ZNF121: variants seen among roughly 807,000 people sequenced by gnomAD.
ZNF121 encodes zinc finger protein 121, also known as zinc finger protein 121 (clone ZHC32).
A neutral mutation model predicts 2.4 loss-of-function variants in ZNF121; 1 was observed. That is an observed-to-expected ratio of 0.41 (90% CI 0.15 to 1.94). The LOEUF is 1.94. Ranked by LOEUF, ZNF121 falls within the 30% of genes most tolerant of loss-of-function variation. ZNF121 has a pLI of 0.30. For synonymous variants in ZNF121, 173 were observed against 158.6 expected, an observed-to-expected ratio of 1.09 and a Z score of -0.68; for missense variants, 369 against 466.3, an observed-to-expected ratio of 0.79 and a Z score of 1.92.
chr19:9,570,199 C>G (rs915352760), intron 1 of ZNF121, among the ~76,000 whole-genome samples: 3 of 152,028 alleles, frequency 2.0e-5, no homozygotes, highest in African/African-American at 7.2e-5. Context: ...GAGCAAGATT[C>G]CATCCAAAAA....
intron 1 of ZNF121, among the ~76,000 whole-genome samples, chr19:9,573,085 A>G (rs1209853972): frequency 6.6e-6 from 1 of 152,194 alleles, no homozygotes; most frequent in Non-Finnish European, 1.5e-5. Context: ...AGACTGTAAT[A>G]AATAACTAAT....
intron 1 of ZNF121, 71 bp from the exon 2 acceptor site, chr19:9,569,153 AC>A (rs2074155659): frequency 6.5e-6 from 1 of 152,680 alleles, no homozygotes; most frequent in Non-Finnish European, 1.5e-5. Flanking sequence ...CAAGAAAAAA[AC>A]AACTATATTC....
intron 1 of ZNF121, among the ~76,000 whole-genome samples, chr19:9,582,301 C>T (rs754475623): frequency 4.6e-5 from 7 of 152,088 alleles, no homozygotes; most frequent in Non-Finnish European, 8.8e-5. Flanking sequence ...CAAGAAGAAG[C>T]GAAAATAGCT....
chr19:9,578,980 CAAAAAA>C (rs746310089), intron 1 of ZNF121, among the ~76,000 whole-genome samples: 1 of 86,118 alleles, frequency 1.2e-5, no homozygotes, highest in Non-Finnish European at 2.7e-5. Context: ...AACTTGATAG[CAAAAAA>C]AAAAAAAAAA....
intron 3 of ZNF121, chr19:9,567,502 G>A (rs922958192): frequency 2.2e-5 from 5 of 225,084 alleles, no homozygotes; most frequent in South Asian, 1.4e-4. Context: ...GACTGATTTC[G>A]TAGATGACAA....
At position 9,570,885 on chromosome 19, in the gene ZNF121, TC is replaced by T. The variant is rs1211977003; in HGVS notation, c.-159-1804del. 2.0e-5 allele frequency among the ~76,000 whole-genome samples: 3 copies of T among 152,124 alleles called. No homozygotes were observed. The South Asian group carries it at 6.2e-4, about 31-fold the overall frequency. On this transcript the variant is annotated intron_variant, in intron 1 of 3. Coordinates refer to ENST00000320451, the MANE Select transcript of ZNF121 (RefSeq NM_001008727.5). ...CGTGAGCCACCGCACCCAGCCGAGT[TC>T]CCTGCTTTCAATCGAGATGAAGGGG...
intron 1 of ZNF121, among the ~76,000 whole-genome samples, chr19:9,576,599 C>G (rs564579332): frequency 6.6e-6 from 1 of 151,778 alleles, no homozygotes; most frequent in South Asian, 2.1e-4. Context: ...ATCAGACTCA[C>G]AATTAAATCA....
intron 1 of ZNF121, among the ~76,000 whole-genome samples, chr19:9,583,458 T>C (rs993082303): frequency 5.5e-5 from 8 of 144,764 alleles, no homozygotes; most frequent in African/African-American, 2.1e-4. Context: ...CCCAAGTAGC[T>C]AGGATTACAG....
rs2074095014 is a variant in ZNF121, at chr19:9,560,473, A to C, written c.*5467T>G. The C allele has an allele frequency of 6.6e-6, 1 of 152,172 alleles. No homozygotes were observed. The highest frequency in any genetic ancestry group is 2.4e-5 in the African/African-American group (1 of 41,430). 9.4% of individuals were successfully genotyped at this position (152,172 alleles called of 1,614,324 possible). On this transcript the variant is annotated 3_prime_UTR_variant, in exon 4 of 4. Coordinates refer to ENST00000320451, the MANE Select transcript of ZNF121 (RefSeq NM_001008727.5). ...AGCTTTTCCATCTTGCGTGGCTGAC[A>C]CTCAATACCCATTGAACAACTCATT...
At position 9,564,948 on chromosome 19, in the gene ZNF121, CAA is replaced by C. The variant is rs768708694; in HGVS notation, c.*990_*991del. ...CACAAGCAAAAAGATTACAACTCACCAAAGTCTCACATGATCATTAGCACTTT... is the reference window on the plus strand; with the variant it reads ...CACAAGCAAAAAGATTACAACTCACCAGTCTCACATGATCATTAGCACTTT... On this transcript the variant is annotated 3_prime_UTR_variant, in exon 4 of 4. Coordinates refer to ENST00000320451, the MANE Select transcript of ZNF121 (RefSeq NM_001008727.5). 1 of 152,156 alleles carries C rather than the reference CAA, an allele frequency of 6.6e-6. No homozygotes were observed. The highest frequency in any genetic ancestry group is 1.5e-5 in the Non-Finnish European group (1 of 68,040). The allele number at this position is 152,156 out of a possible 1,614,324, so 9.4% of individuals were successfully genotyped here.
chr19:9,566,574 C>G lies in ZNF121; in HGVS notation c.539G>C (p.Cys180Ser). 6.2e-7 allele frequency: 1 copy of G among 1,614,142 alleles called. No individual in the cohort carries two copies. Among genetic ancestry groups the G allele is most frequent in the Non-Finnish European group, 8.5e-7 (1 of 1,180,008 alleles). Residue 180 changes from cysteine (C) to serine (S), a missense_variant, in exon 4 of 4, where the codon TGC becomes TCC. This residue lies in a region of ZNF121 where 68 missense variants were observed against 105.5 expected (regional missense o/e 0.64). Transcript: ENST00000320451. ...AACTAGGTGTGAAGAAACAGTGAAG[C>G]ATTTCCCACATTCCTTACATTCATA... ...KPYECKECGK[C>S]FTVSSHLVEH...
chr19:9,567,564 T>C, intron 3 of ZNF121: 1 of 240,732 alleles, frequency 4.2e-6, no homozygotes, highest in Non-Finnish European at 8.8e-6. Flanking sequence ...GGTTTCAGCA[T>C]GATTCAACAA....
intron 1 of ZNF121, among the ~76,000 whole-genome samples, chr19:9,569,942 C>CTT (rs869181068): frequency 1.4e-5 from 2 of 139,208 alleles, no homozygotes; most frequent in Admixed American, 1.4e-4. Flanking sequence ...CTCTCTCTCT[C>CTT]TTTTTTTTCT....
In ZNF121 at chr19:9,566,716, C is replaced by T. The variant is rs865923418; in HGVS notation, c.397G>A (p.Val133Met). 9 of 1,614,100 alleles carry T rather than the reference C, an allele frequency of 5.6e-6. No homozygotes were observed. Among genetic ancestry groups the T allele is most frequent in the Middle Eastern group, 1.6e-4 (1 of 6,084 alleles). The change falls in exon 4 of 4, where the codon GTG (valine) becomes ATG (methionine). Residue 133 changes from valine to methionine, a missense_variant. Val to Met is a conservative substitution (Grantham distance 21). Coordinates refer to ENST00000320451, the MANE Select transcript of ZNF121 (RefSeq NM_001008727.5). ...TCTACAGTATGCATTTTAACAGACA[C>T]AGCATGGCTTGTGGAGTAAGTAAAA... ...RAFTYSTSHA[V>M]SVKMHTVEKP...
At position 9,560,607 on chromosome 19, in the gene ZNF121, T is replaced by C. The variant is rs2074096056; in HGVS notation, c.*5333A>G. The C allele has an allele frequency of 1.3e-5, 2 of 152,220 alleles. No individual in the cohort carries two copies. The highest frequency in any genetic ancestry group is 1.3e-4 in the Admixed American group (2 of 15,286). The allele number at this position is 152,220 out of a possible 1,614,324, so 9.4% of individuals were successfully genotyped here. On this transcript the variant is annotated 3_prime_UTR_variant, in exon 4 of 4. Coordinates refer to ENST00000320451, the MANE Select transcript of ZNF121 (RefSeq NM_001008727.5). ...GGTGTATTTGTCCTTTCGGAACTGG[T>C]TTATTTCACTTAGCATAACGTCCAT...
intron 1 of ZNF121, among the ~76,000 whole-genome samples, chr19:9,569,578 C>G (rs916340547): frequency 6.6e-6 from 1 of 151,654 alleles, no homozygotes; most frequent in Admixed American, 6.6e-5. Flanking sequence ...GTCACCCAGG[C>G]TGGAGTGCAA....
At chr19:9,583,415 T>A (rs1404889135) in intron 1 of ZNF121, among the ~76,000 whole-genome samples, 1 of 144,488 alleles carries the variant, frequency 6.9e-6, no homozygotes, top group African/African-American at 2.6e-5. Flanking sequence ...AACCTCGGCC[T>A]CTCAGGTTCA....
chr19:9,582,393 T>C (rs150772852), intron 1 of ZNF121, among the ~76,000 whole-genome samples: 1,798 of 152,272 alleles, frequency 0.012, 46 homozygotes, highest in African/African-American at 0.041. Flanking sequence ...CTTGTGACAT[T>C]CCTTCTCCTG....
rs192914525 is a variant in ZNF121 at position 9,578,539 on chromosome 19, A to G, written c.-160+5922T>C. The stretch of plus-strand genomic sequence containing the variant: ...ATGGAAGAGAACAGAGAACCTAAAT[A>G]TAAATCTACACATTTATAGACAGTT... On this transcript the variant is annotated intron_variant, in intron 1 of 3. Coordinates refer to ENST00000320451, the MANE Select transcript of ZNF121 (RefSeq NM_001008727.5). Among the ~76,000 whole-genome samples, 203 of 152,150 alleles carry G rather than the reference A, an allele frequency of 1.3e-3. 3 individuals carry two copies. The highest frequency in any genetic ancestry group is 1.5e-4 in the Non-Finnish European group (10 of 67,992).
Sources: gnomAD v4.1 joint callset for allele counts (sites outside exome capture counted in the v4.1 genomes callset) on GRCh38, gnomAD v4.1.1 for gene constraint, gnomAD v4.1.1 regional missense constraint, MANE v1.5 for transcripts, NCBI Gene and HGNC (gene_info 2026-07-23, HGNC 2026-07-21) for gene names.